Variants in ARFGEF3 observed in about 807,000 individuals in gnomAD.
The protein encoded by ARFGEF3 is ARFGEF family member 3.
In ARFGEF3, 96 loss-of-function variants were observed where a neutral mutation model predicts 221.7. That is an observed-to-expected ratio of 0.43 (90% CI 0.37 to 0.51). The LOEUF (loss-of-function observed/expected upper bound fraction) is 0.51, where lower values mean the gene tolerates loss of function less well. Ranked by LOEUF, ARFGEF3 falls within the 20% of genes least tolerant of loss-of-function variation. The probability of loss-of-function intolerance (pLI) is 0.00; values close to 1 mark genes in which losing one functional copy is unlikely to be tolerated. For missense variants in ARFGEF3, 2,410 were observed against 2,789.9 expected (o/e 0.86, Z 3.07); for synonymous variants, 1,145 against 1,126.8 (o/e 1.02, Z -0.32).
In ARFGEF3 at chr6:138,291,443, G is replaced by A; in HGVS notation, c.3048-290G>A. Among the ~76,000 whole-genome samples, 1 of 152,150 alleles carries A rather than the reference G, an allele frequency of 6.6e-6. No individual in the cohort carries two copies. The highest frequency in any genetic ancestry group is 1.9e-4 in the East Asian group (1 of 5,198). On this transcript the variant is annotated intron_variant, in intron 18 of 33. Transcript: ENST00000251691. The surrounding 1 kb of genome is among the most constrained non-coding windows in gnomAD (Gnocchi z 4.5). ...AGCCAGTAAGCCGGATGAGGCAGGGGGACTGGATGAACTGGGCTTCATTGC... is the reference window on the plus strand; with the variant it reads ...AGCCAGTAAGCCGGATGAGGCAGGGAGACTGGATGAACTGGGCTTCATTGC...
chr6:138,223,179 G>A (rs1468873402), intron 4 of ARFGEF3, among the ~76,000 whole-genome samples: 3 of 152,214 alleles, frequency 2.0e-5, no homozygotes, highest in South Asian at 4.1e-4. Context: ...CCATAGAAGG[G>A]CATTTGGTGT....
chr6:138,247,206 T>C (rs1778499915), intron 8 of ARFGEF3, among the ~76,000 whole-genome samples: 1 of 152,150 alleles, frequency 6.6e-6, no homozygotes, highest in Non-Finnish European at 1.5e-5. Flanking sequence ...TGCTGTACCC[T>C]GCTTAGGTGC....
rs55774107 is a variant in ARFGEF3 at position 138,236,999 on chromosome 6, C to CTT, written c.421-1499_421-1498dup. 4.2e-3 allele frequency among the ~76,000 whole-genome samples: 610 copies of CTT among 145,784 alleles called. 1 individual carries two copies. Among genetic ancestry groups the CTT allele is most frequent in the Non-Finnish European group, 5.2e-3 (349 of 66,484 alleles). On this transcript the variant is annotated intron_variant, in intron 5 of 33. Transcript: ENST00000251691. ...GTTTTGTCGAGGTTGAGAAGACTGC[C>CTT]TTTTTTTTTTTTCAAATACAGTTTT... is the stretch of plus-strand genomic sequence containing the variant.
chr6:138,272,002 G>A (rs906255289), intron 12 of ARFGEF3, among the ~76,000 whole-genome samples: 4 of 152,102 alleles, frequency 2.6e-5, no homozygotes, highest in Admixed American at 6.6e-5. Flanking sequence ...CTGAAAAACT[G>A]TAGCCCAGCA....
At chr6:138,218,168 T>C in intron 4 of ARFGEF3, 2 of 1,613,992 alleles carry the variant, frequency 1.2e-6, no homozygotes, top group South Asian at 2.2e-5. Flanking sequence ...TTGCATGGTG[T>C]GACTGTTCTA....
intron 5 of ARFGEF3, among the ~76,000 whole-genome samples, chr6:138,230,959 T>A (rs1000381116): frequency 6.6e-6 from 1 of 152,166 alleles, no homozygotes; most frequent in Non-Finnish European, 1.5e-5. Flanking sequence ...GAAGCAGGAT[T>A]GGTGTGTAAG....
chr6:138,191,240 G>A (rs553578316), intron 2 of ARFGEF3, among the ~76,000 whole-genome samples: 106 of 152,084 alleles, frequency 7.0e-4, no homozygotes, highest in Non-Finnish European at 1.3e-3. Flanking sequence ...GTTAGGTGAC[G>A]TGGGACAAGT....
intron 17 of ARFGEF3, among the ~76,000 whole-genome samples, chr6:138,288,036 TA>T (rs11450370): frequency 9.4e-5 from 14 of 149,274 alleles, no homozygotes; most frequent in South Asian, 2.1e-4. Flanking sequence ...CACAGTTCTT[TA>T]AAAAAAAAAC....
rs116022145 is a variant in ARFGEF3 at position 138,319,894 on chromosome 6, A to G, written c.4651+15A>G. On this transcript the variant is annotated intron_variant, in intron 28 of 33. Transcript: ENST00000251691. ...TCTACATTCAGGTATCTGAAGTGCC[A>G]GAGCAGTTCATTCTGGGTATTTCTT... 6.3e-4 allele frequency: 1,012 copies of G among 1,610,568 alleles called. 3 individuals carry two copies. In the African/African-American group the frequency reaches 0.012, roughly 20 times the overall value.
At chr6:138,299,306 A>AT (rs1212929500) in intron 22 of ARFGEF3, among the ~76,000 whole-genome samples, 1 of 151,490 alleles carries the variant, frequency 6.6e-6, no homozygotes, top group Non-Finnish European at 1.5e-5. Context: ...TAAAAAAAAA[A>AT]CAGAAAAGTT....
chr6:138,204,818 C>T (rs1281773969), intron 2 of ARFGEF3, among the ~76,000 whole-genome samples: 1 of 152,222 alleles, frequency 6.6e-6, no homozygotes, highest in Admixed American at 6.5e-5. Flanking sequence ...TGTGATTCCA[C>T]AGCCCATGTT....
In ARFGEF3 at chr6:138,217,761, A is replaced by G. The variant is rs1583017205; in HGVS notation, c.351+7720A>G. On this transcript the variant is annotated intron_variant, in intron 4 of 33. Transcript: ENST00000251691. ...GGCCCACTAGGATAAATAACAAACT[A>G]AATTGAGATAATAGATAATAATCTA... 9 of 575,474 alleles carry G rather than the reference A, an allele frequency of 1.6e-5. No homozygotes were observed. The East Asian group carries it at 3.1e-4, about 20-fold the overall frequency. 35.6% of individuals were successfully genotyped at this position (575,474 alleles called of 1,614,324 possible).
chr6:138,224,706 A>G (rs77930926), intron 4 of ARFGEF3, among the ~76,000 whole-genome samples: 4,841 of 152,238 alleles, frequency 0.032, 225 homozygotes, highest in African/African-American at 0.11. Flanking sequence ...CAAAAGGTAA[A>G]TCTTACTACT....
rs183209772 is a variant in ARFGEF3 at position 138,303,587 on chromosome 6, G to A, written c.3829-3666G>A. On this transcript the variant is annotated intron_variant, in intron 22 of 33. Coordinates refer to ENST00000251691, the MANE Select transcript of ARFGEF3 (RefSeq NM_020340.5). ...TGGGAGGCCAAGGCAGGCAGATCAC[G>A]AGGTCAAGAGATGGAGACCATCCTG... Among the ~76,000 whole-genome samples, 16 of 152,186 alleles carry A rather than the reference G, an allele frequency of 1.1e-4. No homozygotes were observed. The East Asian group carries it at 1.5e-3, about 15-fold the overall frequency.
chr6:138,303,418 A>G (rs1295894969), intron 22 of ARFGEF3, among the ~76,000 whole-genome samples: 2 of 152,226 alleles, frequency 1.3e-5, no homozygotes, highest in Non-Finnish European at 1.5e-5. Flanking sequence ...TTAAATATGC[A>G]CTAATGAAAG....
At chr6:138,309,125 A>G (rs1779779961) in intron 24 of ARFGEF3, among the ~76,000 whole-genome samples, 2 of 152,130 alleles carry the variant, frequency 1.3e-5, no homozygotes, top group Non-Finnish European at 2.9e-5. Flanking sequence ...TACTAACTTT[A>G]TTGTCAAAGA....
At chr6:138,332,809 G>A (rs796319812) in intron 32 of ARFGEF3, among the ~76,000 whole-genome samples, 7 of 152,272 alleles carry the variant, frequency 4.6e-5, no homozygotes, top group African/African-American at 1.2e-4. Context: ...TATTTTAAAA[G>A]GTTACTGTTT....
At chr6:138,281,329 A>T (rs1019033595) in intron 14 of ARFGEF3, among the ~76,000 whole-genome samples, 3 of 152,162 alleles carry the variant, frequency 2.0e-5, no homozygotes, top group Non-Finnish European at 4.4e-5. Context: ...AATTTCAACT[A>T]TTACTTTAGA....
At chr6:138,220,052 C>A (rs1777953514) in intron 4 of ARFGEF3, among the ~76,000 whole-genome samples, 1 of 151,940 alleles carries the variant, frequency 6.6e-6, no homozygotes, top group Non-Finnish European at 1.5e-5. Context: ...TCACTGTCAC[C>A]CAGGCTAGAG....
Sources: allele counts gnomAD v4.1 joint callset (sites outside exome capture counted in the v4.1 genomes callset), GRCh38; gene constraint gnomAD v4.1.1; non-coding constraint Gnocchi (gnomAD v3.1); transcripts MANE v1.5; gene names NCBI Gene and HGNC (gene_info 2026-07-23, HGNC 2026-07-21).